The following C2CD5 variants were observed in gnomAD, a reference collection of about 807,000 sequenced individuals.
C2CD5 encodes the protein C2 domain-containing protein 5.
A neutral mutation model predicts 130.3 loss-of-function variants in C2CD5; 109 were observed. The observed-to-expected ratio is 0.84, with a 90% CI of 0.72 to 0.98. The LOEUF (loss-of-function observed/expected upper bound fraction) is 0.98. C2CD5 is among the 50% of genes least tolerant of loss of function. The pLI is 0.00. For missense variants in C2CD5, 996 were observed against 1,261.8 expected (o/e 0.79, Z 3.19); for synonymous variants, 454 against 429.2 (o/e 1.06, Z -0.71).
At chr12:22,499,793 C>CAA (rs1423543818) in intron 10 of C2CD5, among the ~76,000 whole-genome samples, 1 of 152,188 alleles carries the variant, frequency 6.6e-6, no homozygotes, top group Non-Finnish European at 1.5e-5. Context: ...TGGCATTTCT[C>CAA]AAAGTCTGTT....
chr12:22,523,350 T>G (rs1434164878), intron 7 of C2CD5, 76 bp downstream of exon 7: 2 of 1,170,096 alleles, frequency 1.7e-6, no homozygotes, highest in East Asian at 2.5e-5. Context: ...CCTACTAAAA[T>G]GTTTCAAATC....
At chr12:22,532,687 T>C (rs1055411178) in intron 3 of C2CD5, among the ~76,000 whole-genome samples, 2 of 152,174 alleles carry the variant, frequency 1.3e-5, no homozygotes, top group African/African-American at 4.8e-5. Context: ...ATTTCTTCCA[T>C]CTTCAGGTAT....
chr12:22,542,896 G>A (rs1398601021), intron 2 of C2CD5, among the ~76,000 whole-genome samples: 10 of 152,138 alleles, frequency 6.6e-5, no homozygotes, highest in Non-Finnish European at 1.2e-4. Context: ...AATTCAACAC[G>A]TTACCTATTA....
At chr12:22,481,070 G>C (rs1204636355) in intron 14 of C2CD5, among the ~76,000 whole-genome samples, 1 of 152,104 alleles carries the variant, frequency 6.6e-6, no homozygotes, top group Non-Finnish European at 1.5e-5. Flanking sequence ...CTCTCAAAGT[G>C]CTGGGATTAC....
chr12:22,463,023 G>A (rs946250235), intron 22 of C2CD5, among the ~76,000 whole-genome samples: 2 of 151,984 alleles, frequency 1.3e-5, no homozygotes, highest in Non-Finnish European at 2.9e-5. Flanking sequence ...GCTAAAGGCT[G>A]CAGTGAGCCA....
intron 2 of C2CD5, among the ~76,000 whole-genome samples, chr12:22,539,241 GTCT>G (rs1361348301): frequency 6.6e-6 from 1 of 151,996 alleles, no homozygotes; most frequent in African/African-American, 2.4e-5. Flanking sequence ...TAATTTTTCT[GTCT>G]TCTTACTTGA....
At chr12:22,451,475 T>C (rs1348722843) in intron 26 of C2CD5, among the ~76,000 whole-genome samples, 1 of 152,146 alleles carries the variant, frequency 6.6e-6, no homozygotes, top group Non-Finnish European at 1.5e-5. Flanking sequence ...GCTAATGACA[T>C]AAATCATGGC....
chr12:22,456,589 A>C (rs1591924030), intron 25 of C2CD5, among the ~76,000 whole-genome samples: 1 of 152,252 alleles, frequency 6.6e-6, no homozygotes, highest in African/African-American at 2.4e-5. Flanking sequence ...GCTAAATTAC[A>C]TAAAGTATCT....
chr12:22,540,362 C>G (rs1285331702), intron 2 of C2CD5, among the ~76,000 whole-genome samples: 1 of 152,210 alleles, frequency 6.6e-6, no homozygotes, highest in Non-Finnish European at 1.5e-5. Flanking sequence ...ATCCAGCATA[C>G]TGTATCTTTT....
At chr12:22,530,103 TATATATATACACACAC>T (rs907020088) in intron 3 of C2CD5, among the ~76,000 whole-genome samples, 1 of 115,744 alleles carries the variant, frequency 8.6e-6, no homozygotes, top group African/African-American at 3.7e-5. Context: ...TATATATATA[TATATATATACACACAC>T]ACACACACAC....
At position 22,449,904 on chromosome 12, in the gene C2CD5, C is replaced by G. The variant is rs373984815; in HGVS notation, c.3025-13G>C. The G allele has an allele frequency of 1.9e-6, 3 of 1,598,154 alleles. No individual in the cohort carries two copies. The highest frequency in any genetic ancestry group is 2.6e-6 in the Non-Finnish European group (3 of 1,167,606). On this transcript the variant is annotated splice_polypyrimidine_tract_variant and intron_variant, in intron 26 of 26. Coordinates refer to ENST00000446597, the MANE Select transcript of C2CD5 (RefSeq NM_001286176.2). ...TAAGACACTGTGCCTATAAGAACAA[C>G]AAACAGGACAGGTTCAGTTATACTC...
rs2135997084 is a variant in C2CD5 at position 22,457,075 on chromosome 12, C to T, written c.2773G>A (p.Val925Ile). The T allele has an allele frequency of 2.5e-6, 4 of 1,612,644 alleles. No individual in the cohort carries two copies. In the East Asian group the frequency reaches 6.7e-5, roughly 27 times the overall value. Residue 925 changes from valine (V) to isoleucine (I), a missense_variant, in exon 25 of 27, where the codon GTT (valine) becomes ATT (isoleucine). Around this residue, in one of 9 missense-constraint regions of C2CD5, gnomAD observed 590 missense variants for 631.4 expected, o/e 0.93. Coordinates refer to ENST00000446597, the MANE Select transcript of C2CD5 (RefSeq NM_001286176.2). Reference sequence around the variant, plus strand: ...AAAGAAAGAGGTGTCATCTTAACAACCCCAACTGTGGAATTTGCACAAGGT... The same window carrying T: ...AAAGAAAGAGGTGTCATCTTAACAATCCCAACTGTGGAATTTGCACAAGGT... Reference protein sequence around the residue: ...APPCANSTVGVVKMTPLSFIP... With the variant: ...APPCANSTVGIVKMTPLSFIP...
intron 8 of C2CD5, 62 bp from the exon 9 acceptor site, chr12:22,513,441 G>T: frequency 6.2e-6 from 6 of 970,450 alleles, no homozygotes; most frequent in Non-Finnish European, 1.0e-5. Flanking sequence ...AAGTTTAATT[G>T]CATTCATCTT....
intron 7 of C2CD5, among the ~76,000 whole-genome samples, chr12:22,519,978 T>A (rs1950120930): frequency 6.6e-6 from 1 of 152,134 alleles, no homozygotes; most frequent in Admixed American, 6.6e-5. Context: ...CAAAATTTTA[T>A]AAGATATCAA....
At chr12:22,534,260 C>T (rs1338621043) in intron 3 of C2CD5, among the ~76,000 whole-genome samples, 1 of 152,100 alleles carries the variant, frequency 6.6e-6, no homozygotes, top group Non-Finnish European at 1.5e-5. Flanking sequence ...AATCCATGAC[C>T]TACATATAGG....
intron 9 of C2CD5, 148 bp downstream of exon 9, chr12:22,513,146 G>C (rs1387441448): frequency 6.1e-6 from 3 of 495,402 alleles, no homozygotes; most frequent in Non-Finnish European, 1.1e-5. Context: ...AAATTACTTT[G>C]ACACCTTAAA....
intron 2 of C2CD5, among the ~76,000 whole-genome samples, chr12:22,535,965 G>A (rs1473415661): frequency 6.6e-6 from 1 of 152,072 alleles, no homozygotes; most frequent in Non-Finnish European, 1.5e-5. Flanking sequence ...TATATCAGCA[G>A]CATTACTGTA....
At chr12:22,535,447 C>T (rs1035957504) in intron 2 of C2CD5, 103 bp from the exon 3 acceptor site, 6 of 661,648 alleles carry the variant, frequency 9.1e-6, no homozygotes, top group Non-Finnish European at 1.6e-5. Flanking sequence ...ATAAAGGGGA[C>T]AAAAGACTAT....
chr12:22,461,577 A>G (rs530472190), intron 22 of C2CD5, among the ~76,000 whole-genome samples: 1 of 152,324 alleles, frequency 6.6e-6, no homozygotes, highest in African/African-American at 2.4e-5. Flanking sequence ...AAAAGGATGA[A>G]TAGAGTATCT....
Sources: gnomAD v4.1 joint callset for allele counts (sites outside exome capture counted in the v4.1 genomes callset) on GRCh38, gnomAD v4.1.1 for gene constraint, gnomAD v4.1.1 regional missense constraint, MANE v1.5 for transcripts, NCBI Gene and HGNC (gene_info 2026-07-23, HGNC 2026-07-21) for gene names.